CD9: variants seen among roughly 807,000 people sequenced by gnomAD.
CD9 encodes the protein CD9 antigen.
In CD9, 10 loss-of-function variants were observed where a neutral mutation model predicts 31.4. That is an observed-to-expected ratio of 0.32 (90% CI 0.20 to 0.54). The LOEUF is 0.54. Ranked by LOEUF, CD9 falls within the 20% of genes least tolerant of loss-of-function variation. CD9 has a pLI of 0.94. For synonymous variants in CD9, 113 were observed against 114.1 expected, an observed-to-expected ratio of 0.99 and a Z score of 0.06; for missense variants, 259 against 300.1, an observed-to-expected ratio of 0.86 and a Z score of 1.01.
chr12:6,221,502 C>T lies in CD9; in HGVS notation c.67-3924C>T, dbSNP rs532353884. ...GCAGCCATCGAAGAAATTACATGGTCAGCATGCCGCCATATGTCTGTTAAT... is the reference window on the plus strand; with the variant it reads ...GCAGCCATCGAAGAAATTACATGGTTAGCATGCCGCCATATGTCTGTTAAT... On this transcript the variant is annotated intron_variant, in intron 1 of 7. Coordinates refer to ENST00000009180, the MANE Select transcript of CD9 (RefSeq NM_001769.4). Among the ~76,000 whole-genome samples the T allele has an allele frequency of 2.0e-5, 3 of 152,304 alleles. No individual in the cohort carries two copies. The South Asian group carries it at 6.2e-4, about 32-fold the overall frequency.
intron 1 of CD9, among the ~76,000 whole-genome samples, chr12:6,211,890 C>T (rs925437981): frequency 2.0e-5 from 3 of 152,170 alleles, no homozygotes; most frequent in African/African-American, 4.8e-5. Flanking sequence ...CCAATCAGCC[C>T]CAACATCCTA....
rs148320526 is a variant in CD9 at position 6,213,788 on chromosome 12, A to G, written c.67-11638A>G. On this transcript the variant is annotated intron_variant, in intron 1 of 7. Coordinates refer to ENST00000009180, the MANE Select transcript of CD9 (RefSeq NM_001769.4). ...GGGACCACCACCTCTCCCAGCCTCA[A>G]TGGCGGGAGAGAACAAACCCAAGGG... Among the ~76,000 whole-genome samples the G allele has an allele frequency of 1.6e-3, 250 of 152,236 alleles. 3 individuals are homozygous for G. The highest frequency in any genetic ancestry group is 5.7e-3 in the African/African-American group (235 of 41,542).
Position 6,233,404 on chromosome 12 carries a change from C to G in CD9, c.274-8C>G. 6.2e-7 allele frequency: 1 copy of G among 1,612,524 alleles called. No homozygotes were observed. The highest frequency in any genetic ancestry group is 8.5e-7 in the Non-Finnish European group (1 of 1,178,524). ...CTGTTCTCACCCCGTCCCCTCGTTG[C>G]CTTCCAGTTCTTCGGCTTCCTCTTG... On this transcript the variant is annotated splice_polypyrimidine_tract_variant and splice_region_variant and intron_variant, in intron 3 of 7. Coordinates refer to ENST00000009180, the MANE Select transcript of CD9 (RefSeq NM_001769.4).
At chr12:6,233,532 G>A (rs757321075) in intron 4 of CD9, 46 bp downstream of exon 4, 67 of 1,440,880 alleles carry the variant, frequency 4.6e-5, no homozygotes, top group Non-Finnish European at 6.6e-5. Flanking sequence ...GTTGGGGGAT[G>A]GGGGACAGTG....
In CD9 at chr12:6,200,480, A is replaced by C; in HGVS notation, c.-20A>C. On this transcript the variant is annotated 5_prime_UTR_variant, in exon 1 of 8. Coordinates refer to ENST00000009180, the MANE Select transcript of CD9 (RefSeq NM_001769.4). ...CCCCAGTCCCGCACCCGTTCGGCCC[A>C]GGCTAAGTTAGCCCTCACCATGCCG... The C allele has an allele frequency of 6.3e-7, 1 of 1,596,150 alleles. No individual in the cohort carries two copies. The highest frequency in any genetic ancestry group is 8.6e-7 in the Non-Finnish European group (1 of 1,164,568).
chr12:6,234,956 G>A (rs947203075), intron 4 of CD9, among the ~76,000 whole-genome samples: 1 of 152,168 alleles, frequency 6.6e-6, no homozygotes, highest in Non-Finnish European at 1.5e-5. Context: ...AGCCAAGTTA[G>A]GAGCCAAGTA....
chr12:6,219,384 C>G (rs1288868759), intron 1 of CD9, among the ~76,000 whole-genome samples: 1 of 152,190 alleles, frequency 6.6e-6, no homozygotes, highest in Non-Finnish European at 1.5e-5. Context: ...ACATGCTTCA[C>G]CAACAGAAAG....
intron 7 of CD9, among the ~76,000 whole-genome samples, chr12:6,236,959 C>T (rs951714690): frequency 6.6e-6 from 1 of 152,066 alleles, no homozygotes; most frequent in Non-Finnish European, 1.5e-5. Flanking sequence ...GCAAAATATA[C>T]GACAATACCT....
In CD9 at chr12:6,200,492, C is replaced by T; in HGVS notation, c.-8C>T. 2 of 1,607,054 alleles carry T rather than the reference C, an allele frequency of 1.2e-6. No individual in the cohort carries two copies. The highest frequency in any genetic ancestry group is 1.1e-5 in the South Asian group (1 of 90,708). On this transcript the variant is annotated 5_prime_UTR_variant, in exon 1 of 8. Transcript: ENST00000009180. ...ACCCGTTCGGCCCAGGCTAAGTTAG[C>T]CCTCACCATGCCGGTCAAAGGAGGC... is the stretch of plus-strand genomic sequence containing the variant.
At chr12:6,208,324 G>C (rs912383205) in intron 1 of CD9, among the ~76,000 whole-genome samples, 2 of 152,032 alleles carry the variant, frequency 1.3e-5, no homozygotes, top group African/African-American at 2.4e-5. Context: ...GCAGCTGGTG[G>C]CTCCTGCCAA....
Position 6,207,432 on chromosome 12 carries a change from G to A in CD9, c.66+6867G>A, listed in dbSNP as rs144337789. Reference sequence around the variant, plus strand: ...CCCTCTGACTCTCAGCTTAATCATTGCCTAAGGAGTGGTTTTCACTCGGTT... The same window carrying A: ...CCCTCTGACTCTCAGCTTAATCATTACCTAAGGAGTGGTTTTCACTCGGTT... On this transcript the variant is annotated intron_variant, in intron 1 of 7. Coordinates refer to ENST00000009180, the MANE Select transcript of CD9 (RefSeq NM_001769.4). Among the ~76,000 whole-genome samples the A allele has an allele frequency of 2.7e-3, 407 of 152,308 alleles. 2 individuals are homozygous for A. Among genetic ancestry groups the A allele is most frequent in the African/African-American group, 9.4e-3 (392 of 41,568 alleles).
At chr12:6,204,685 G>T (rs770087457) in intron 1 of CD9, among the ~76,000 whole-genome samples, 9 of 152,338 alleles carry the variant, frequency 5.9e-5, no homozygotes, top group Non-Finnish European at 1.2e-4. Flanking sequence ...AGAGTTAAAT[G>T]GGGAGTATGT....
Position 6,232,426 on chromosome 12 carries a change from T to C in CD9, c.176-206T>C. ...GCGTGAGCTTGATGAAGCAGAGTCA[T>C]GCAAGAGAGGCTGGTGGGAAGGAGA... On this transcript the variant is annotated intron_variant, in intron 2 of 7. Coordinates refer to ENST00000009180, the MANE Select transcript of CD9 (RefSeq NM_001769.4). The surrounding 1 kb of genome is among the most constrained non-coding windows in gnomAD (Gnocchi z 4.8). The C allele has an allele frequency of 1.6e-6, 1 of 618,844 alleles. No homozygotes were observed. Among genetic ancestry groups the C allele is most frequent in the Non-Finnish European group, 2.9e-6 (1 of 346,502 alleles). The allele number at this position is 618,844 out of a possible 1,614,324, so 38.3% of individuals were successfully genotyped here. A position where few individuals can be genotyped will look rare whatever the true frequency, so the allele number is the denominator to read the frequency against.
intron 1 of CD9, among the ~76,000 whole-genome samples, chr12:6,204,972 G>A (rs773513029): frequency 5.9e-5 from 9 of 152,182 alleles, no homozygotes; most frequent in Non-Finnish European, 8.8e-5. Context: ...GGAAGGCCCC[G>A]CTTCTGAAAA....
chr12:6,234,191 G>A (rs1946486969), intron 4 of CD9, among the ~76,000 whole-genome samples: 1 of 151,790 alleles, frequency 6.6e-6, no homozygotes, highest in African/African-American at 2.4e-5. Context: ...CTGAGCTTGG[G>A]CTTACGTGGG....
intron 7 of CD9, chr12:6,236,635 C>T (rs1439303219): frequency 1.9e-5 from 8 of 421,992 alleles, no homozygotes; most frequent in Middle Eastern, 6.0e-4. Context: ...TAGAGGCTAC[C>T]GGCGTGGGAA....
chr12:6,231,045 G>A (rs1281818130), intron 2 of CD9, among the ~76,000 whole-genome samples: 1 of 152,184 alleles, frequency 6.6e-6, no homozygotes, highest in Non-Finnish European at 1.5e-5. Flanking sequence ...AAGTCAGCGT[G>A]TCACCTGCCG....
At chr12:6,229,315 G>A (rs1426278331) in intron 2 of CD9, among the ~76,000 whole-genome samples, 1 of 152,158 alleles carries the variant, frequency 6.6e-6, no homozygotes, top group Non-Finnish European at 1.5e-5. Context: ...CGCGACACTT[G>A]GCCTTAGTAA....
chr12:6,214,862 G>T (rs1946228698), intron 1 of CD9, among the ~76,000 whole-genome samples: 1 of 152,130 alleles, frequency 6.6e-6, no homozygotes, highest in African/African-American at 2.4e-5. Flanking sequence ...GAGAGTTCAC[G>T]CAGGCAGGGC....
Sources: gnomAD v4.1 joint callset for allele counts (sites outside exome capture counted in the v4.1 genomes callset) on GRCh38, gnomAD v4.1.1 for gene constraint, Gnocchi (gnomAD v3.1) non-coding constraint, MANE v1.5 for transcripts, NCBI Gene and HGNC (gene_info 2026-07-23, HGNC 2026-07-21) for gene names.